CCND3: variants seen among roughly 807,000 people sequenced by gnomAD.
CCND3 encodes cyclin D3.
In CCND3, 9 loss-of-function variants were observed where a neutral mutation model predicts 28.7. That is an observed-to-expected ratio of 0.31 (90% CI 0.19 to 0.55). The LOEUF (loss-of-function observed/expected upper bound fraction) is 0.55. Ranked by LOEUF, CCND3 falls within the 20% of genes least tolerant of loss-of-function variation. CCND3 has a pLI of 0.93. For synonymous variants in CCND3, 164 were observed against 163.9 expected (o/e 1.00, Z 0.00); for missense variants, 315 against 385.8 (o/e 0.82, Z 1.54).
intron 1 of CCND3, among the ~76,000 whole-genome samples, chr6:41,953,310 G>A (rs574871231): frequency 8.7e-5 from 13 of 150,180 alleles, no homozygotes; most frequent in East Asian, 2.0e-4. Flanking sequence ...TGAAGACTTC[G>A]ACTTGAGTCC....
intron 1 of CCND3, among the ~76,000 whole-genome samples, chr6:41,995,756 T>C (rs1055008516): frequency 4.6e-5 from 7 of 151,672 alleles, no homozygotes; most frequent in African/African-American, 1.5e-4. Flanking sequence ...ACACGAGAGA[T>C]AAAAATACAT....
At chr6:41,940,305 G>T in intron 2 of CCND3, 65 bp downstream of exon 2, 1 of 1,428,262 alleles carries the variant, frequency 7.0e-7, no homozygotes, top group Non-Finnish European at 9.9e-7. Context: ...GATATCTCAA[G>T]CTTTCCTTTT....
upstream of CCND3, among the ~76,000 whole-genome samples, chr6:41,945,532 A>C (rs1204757508): frequency 6.6e-6 from 1 of 152,070 alleles, no homozygotes. Flanking sequence ...AAAAGTCCGC[A>C]TCTGAGAAGT....
intron 1 of CCND3, among the ~76,000 whole-genome samples, chr6:42,000,510 G>A (rs1015050514): frequency 6.7e-6 from 1 of 149,044 alleles, no homozygotes; most frequent in African/African-American, 2.5e-5. Flanking sequence ...TTATAAGCGT[G>A]AGCCACCGCG....
chr6:41,946,687 G>A (rs1776180255), upstream of CCND3, among the ~76,000 whole-genome samples: 1 of 150,118 alleles, frequency 6.7e-6, no homozygotes, highest in African/African-American at 2.5e-5. Flanking sequence ...CTATCTCGGT[G>A]CTTACAGTAT....
chr6:42,034,594 C>CA lies in CCND3; in HGVS notation c.-46+13906dup, dbSNP rs1582186708. 2.0e-5 allele frequency among the ~76,000 whole-genome samples: 3 copies of CA among 149,880 alleles called. No homozygotes were observed. In the East Asian group the frequency reaches 6.0e-4, roughly 30 times the overall value. ...CCAGGTTCAAGCAATTCCCCTGCCT[C>CA]AGCCTCCCGAGTAGCTGGGACTACA... On this transcript the variant is annotated intron_variant, in intron 1 of 4. Coordinates refer to the CCND3 transcript ENST00000372988.
intron 1 of CCND3, among the ~76,000 whole-genome samples, chr6:41,996,653 G>T (rs1295170750): frequency 7.4e-6 from 1 of 136,012 alleles, no homozygotes; most frequent in Non-Finnish European, 1.5e-5. Context: ...ATCCTTGAAG[G>T]TAGGGAAAAA....
At chr6:41,942,844 A>G (rs181472300), upstream of CCND3, among the ~76,000 whole-genome samples, 262 of 150,936 alleles carry the variant, frequency 1.7e-3, 3 homozygotes, top group East Asian at 0.016. Context: ...ACACTAAGGA[A>G]GTGTCTAACC....
At chr6:41,980,074 A>G (rs1176140835) in intron 1 of CCND3, among the ~76,000 whole-genome samples, 1 of 147,340 alleles carries the variant, frequency 6.8e-6, no homozygotes, top group African/African-American at 2.5e-5. Context: ...TCCTCTATCT[A>G]TCTTAAAAGA....
At chr6:41,964,562 A>G (rs1426638286) in intron 1 of CCND3, among the ~76,000 whole-genome samples, 1 of 152,134 alleles carries the variant, frequency 6.6e-6, no homozygotes, top group Non-Finnish European at 1.5e-5. Flanking sequence ...CTTCCAGGGA[A>G]GACAGCGATG....
At chr6:42,033,567 G>C (rs753697356) in intron 1 of CCND3, among the ~76,000 whole-genome samples, 6 of 151,798 alleles carry the variant, frequency 4.0e-5, no homozygotes, top group Non-Finnish European at 7.4e-5. Flanking sequence ...AAACATTTCA[G>C]CTGGGTGCAG....
At position 41,992,769 on chromosome 6, in the gene CCND3, G is replaced by A. The variant is rs151068317; in HGVS notation, c.-45-52184C>T. Among the ~76,000 whole-genome samples the A allele has an allele frequency of 4.6e-3, 700 of 151,916 alleles. 7 individuals carry two copies. Among genetic ancestry groups the A allele is most frequent in the African/African-American group, 0.015 (605 of 41,442 alleles). On this transcript the variant is annotated intron_variant, in intron 1 of 4. Transcript: ENST00000372988. ...GCAATATTTTATCTATCTTGGGACA[G>A]GGTCTCGCTCTGTCACCTAGGCTAG...
intron 1 of CCND3, among the ~76,000 whole-genome samples, chr6:41,964,475 AGTGTGTGTGAATGTGTGTGTGTGAGTGT>A (rs1429933103): frequency 3.7e-5 from 4 of 108,054 alleles, no homozygotes; most frequent in African/African-American, 1.6e-4. Flanking sequence ...TGTGTGTGTG[AGTGTGTGTGAATGTGTGTGTGTGAGTGT>A]GTGTGTGTGT....
At chr6:42,047,899 A>T (rs1318796197) in intron 1 of CCND3, 4 of 152,302 alleles carry the variant, frequency 2.6e-5, no homozygotes, top group African/African-American at 9.7e-5. Flanking sequence ...TGTGATCCAT[A>T]TTAGCTGTGG....
At chr6:41,974,403 G>C (rs1002968491) in intron 1 of CCND3, among the ~76,000 whole-genome samples, 1 of 152,122 alleles carries the variant, frequency 6.6e-6, no homozygotes, top group Non-Finnish European at 1.5e-5. Flanking sequence ...CTGGCAGGGG[G>C]TATCATCATC....
chr6:41,975,640 G>C (rs962410661), intron 1 of CCND3, among the ~76,000 whole-genome samples: 1 of 152,098 alleles, frequency 6.6e-6, no homozygotes, highest in African/African-American at 2.4e-5. Context: ...AGAATTAAGG[G>C]AGGCAGCCAA....
At chr6:41,981,336 C>T (rs1561971522) in intron 1 of CCND3, among the ~76,000 whole-genome samples, 1 of 151,892 alleles carries the variant, frequency 6.6e-6, no homozygotes, top group Non-Finnish European at 1.5e-5. Flanking sequence ...TCCTGAGTAG[C>T]TGGGATTATA....
chr6:41,968,898 T>C lies in CCND3; in HGVS notation c.-45-28313A>G, dbSNP rs111451105. Among the ~76,000 whole-genome samples the C allele has an allele frequency of 9.8e-3, 1,487 of 152,078 alleles. 29 individuals carry two copies. The highest frequency in any genetic ancestry group is 0.034 in the African/African-American group (1,423 of 41,510). On this transcript the variant is annotated intron_variant, in intron 1 of 4. Coordinates refer to the CCND3 transcript ENST00000372988. ...TCTGCTCACTGCAACCTCCACCTCC[T>C]GGGTTCAAGCGATTCTCCTGCCTCA...
intron 1 of CCND3, among the ~76,000 whole-genome samples, chr6:41,950,810 G>C (rs982378419): frequency 6.6e-6 from 1 of 150,498 alleles, no homozygotes; most frequent in African/African-American, 2.4e-5. Context: ...CCAGGTTCAC[G>C]CCATTCTCCT....
Sources: gnomAD v4.1 joint callset for allele counts (sites outside exome capture counted in the v4.1 genomes callset) on GRCh38, gnomAD v4.1.1 for gene constraint, MANE v1.5 for transcripts, NCBI Gene and HGNC (gene_info 2026-07-23, HGNC 2026-07-21) for gene names.